Variants in PLCZ1 observed in about 807,000 individuals in gnomAD.
PLCZ1 encodes the protein phospholipase C zeta 1.
A neutral mutation model predicts 76.8 loss-of-function variants in PLCZ1; 64 were observed. The ratio of observed to expected loss-of-function variants is 0.83; its 90% CI spans 0.68 to 1.03. The LOEUF (loss-of-function observed/expected upper bound fraction) is 1.03, where lower values mean the gene tolerates loss of function less well. PLCZ1 is among the 50% of genes least tolerant of loss of function. The pLI is 0.00. For synonymous variants in PLCZ1, 248 were observed against 230.8 expected, an observed-to-expected ratio of 1.07 and a Z score of -0.68; for missense variants, 751 against 713.7, an observed-to-expected ratio of 1.05 and a Z score of -0.60.
At chr12:18,736,869 A>T (rs1184465805) in intron 2 of PLCZ1, 17 of 433,626 alleles carry the variant, frequency 3.9e-5, no homozygotes, top group Non-Finnish European at 5.5e-5. Flanking sequence ...CATTAGTCCA[A>T]TGCCCAGCTA....
intron 9 of PLCZ1, among the ~76,000 whole-genome samples, chr12:18,700,292 C>T (rs1268696906): frequency 6.6e-6 from 1 of 151,740 alleles, no homozygotes; most frequent in Admixed American, 6.6e-5. Context: ...GAAATGACTT[C>T]TATTACATAG....
intron 14 of PLCZ1, among the ~76,000 whole-genome samples, chr12:18,683,823 T>C (rs1397999210): frequency 6.6e-6 from 1 of 151,924 alleles, no homozygotes; most frequent in Admixed American, 6.6e-5. Context: ...TTGCCACCCA[T>C]CATCATTTCT....
the PLCZ1 span, among the ~76,000 whole-genome samples, chr12:18,646,263 A>G: frequency 6.6e-6 from 1 of 152,220 alleles, no homozygotes. Flanking sequence ...AAGTAACCAC[A>G]GTATTACTCC....
At chr12:18,731,013 C>G (rs1959018511) in intron 3 of PLCZ1, 1 of 152,040 alleles carries the variant, frequency 6.6e-6, no homozygotes, top group African/African-American at 2.4e-5. Flanking sequence ...ACATGCACTG[C>G]TTGGATTCAG....
At chr12:18,676,534 C>T in the PLCZ1 span, among the ~76,000 whole-genome samples, 15,800 of 152,070 alleles carry the variant, frequency 0.1, 1,044 homozygotes, top group African/African-American at 0.19. Context: ...CACTTACATA[C>T]ATGGTAGTTA....
chr12:18,708,773 G>C (rs1956939822), intron 6 of PLCZ1, among the ~76,000 whole-genome samples: 1 of 152,116 alleles, frequency 6.6e-6, no homozygotes, highest in African/African-American at 2.4e-5. Context: ...ATAATGTTGA[G>C]TACCTTTTCA....
chr12:18,712,578 TA>T (rs1259443336), intron 6 of PLCZ1, among the ~76,000 whole-genome samples: 1 of 152,088 alleles, frequency 6.6e-6, no homozygotes, highest in Non-Finnish European at 1.5e-5. Context: ...CAATAATAAA[TA>T]TATTTTACCT....
At chr12:18,690,187 G>A (rs1953854797) in intron 12 of PLCZ1, among the ~76,000 whole-genome samples, 1 of 152,106 alleles carries the variant, frequency 6.6e-6, no homozygotes, top group African/African-American at 2.4e-5. Flanking sequence ...GCACAAATAA[G>A]GTGGAACAAA....
At chr12:18,721,378 T>C (rs1034579420) in intron 4 of PLCZ1, among the ~76,000 whole-genome samples, 31 of 152,036 alleles carry the variant, frequency 2.0e-4, no homozygotes, top group African/African-American at 7.2e-4. Flanking sequence ...AAGTGATCAA[T>C]AATCATGTAA....
At chr12:18,736,184 C>A in intron 3 of PLCZ1, 37 bp downstream of exon 3, 1 of 1,605,334 alleles carries the variant, frequency 6.2e-7, no homozygotes. Flanking sequence ...TAAGTTCCAC[C>A]TAGGATAGGA....
At chr12:18,732,388 G>A (rs1474625026) in intron 3 of PLCZ1, among the ~76,000 whole-genome samples, 2 of 152,114 alleles carry the variant, frequency 1.3e-5, no homozygotes, top group Non-Finnish European at 2.9e-5. Flanking sequence ...GTGAGCTCAG[G>A]CGATCTGCCC....
At chr12:18,710,838 A>C (rs914969913) in intron 6 of PLCZ1, among the ~76,000 whole-genome samples, 3 of 152,138 alleles carry the variant, frequency 2.0e-5, no homozygotes, top group Non-Finnish European at 2.9e-5. Context: ...AATGAGATGC[A>C]ATCTCACACC....
At chr12:18,689,772 C>T (rs1953773038) in intron 12 of PLCZ1, among the ~76,000 whole-genome samples, 1 of 152,144 alleles carries the variant, frequency 6.6e-6, no homozygotes, top group African/African-American at 2.4e-5. Context: ...TCTCAGATTG[C>T]AGGTGACGAA....
chr12:18,668,114 C>T, the PLCZ1 span, among the ~76,000 whole-genome samples: 5 of 152,126 alleles, frequency 3.3e-5, no homozygotes, highest in Non-Finnish European at 7.4e-5. Flanking sequence ...TTCTTAGCCC[C>T]AACTTGTATT....
At chr12:18,700,360 T>C (rs1014058511) in intron 9 of PLCZ1, among the ~76,000 whole-genome samples, 4 of 151,958 alleles carry the variant, frequency 2.6e-5, no homozygotes, top group East Asian at 1.9e-4. Context: ...TTTTTAGCCA[T>C]TTCCCAAGTT....
the PLCZ1 span, chr12:18,647,888 G>T: frequency 6.5e-7 from 1 of 1,549,464 alleles, no homozygotes. Context: ...AGTATATGAT[G>T]AAGTCACAGA....
chr12:18,682,471 T>A (rs185682375), downstream of PLCZ1, among the ~76,000 whole-genome samples: 1 of 152,160 alleles, frequency 6.6e-6, no homozygotes, highest in East Asian at 1.9e-4. Context: ...TTGTTCTACA[T>A]GACATTTAAT....
chr12:18,725,576 T>TA (rs1232256872), intron 3 of PLCZ1, among the ~76,000 whole-genome samples: 6 of 152,122 alleles, frequency 3.9e-5, no homozygotes, highest in Admixed American at 1.3e-4. Flanking sequence ...AACTCCCTCT[T>TA]AAAGTTCTCA....
the PLCZ1 span, among the ~76,000 whole-genome samples, chr12:18,649,052 A>T: frequency 6.6e-6 from 1 of 152,106 alleles, no homozygotes; most frequent in South Asian, 2.1e-4. Flanking sequence ...ATATGGGCTC[A>T]TTTGAAATAC....
Sources: gnomAD v4.1 joint callset for allele counts (sites outside exome capture counted in the v4.1 genomes callset) on GRCh38, gnomAD v4.1.1 for gene constraint, MANE v1.5 for transcripts, NCBI Gene and HGNC (gene_info 2026-07-23, HGNC 2026-07-21) for gene names.